CD226: variants seen among roughly 807,000 people sequenced by gnomAD.
The protein encoded by CD226 is CD226 antigen.
In CD226, 24 loss-of-function variants were observed where a neutral mutation model predicts 34.9. The ratio of observed to expected loss-of-function variants is 0.69; its 90% CI spans 0.50 to 0.97. The LOEUF is 0.97. Among genes scored for constraint, CD226 ranks in the 50% least tolerant of loss-of-function variants. The pLI is 0.00. For synonymous variants in CD226, 148 were observed against 147.4 expected (o/e 1.00, Z -0.03); for missense variants, 397 against 412.7 (o/e 0.96, Z 0.33).
At chr18:69,894,761 G>T (rs1985167093) in intron 3 of CD226, among the ~76,000 whole-genome samples, 1 of 151,700 alleles carries the variant, frequency 6.6e-6, no homozygotes, top group Non-Finnish European at 1.5e-5. Context: ...GGAGAGCCTG[G>T]GATGGCCTTC....
chr18:69,906,238 C>G lies in CD226; in HGVS notation c.383-10193G>C, dbSNP rs114482071. On this transcript the variant is annotated intron_variant, in intron 2 of 5. Coordinates refer to ENST00000582621, the MANE Select transcript of CD226 (RefSeq NM_001303618.2). ...CAATGTACTCTACACATACTATATA[C>G]GCCTAGATGTGAACTTACATATTTT... is the stretch of plus-strand genomic sequence containing the variant. Among the ~76,000 whole-genome samples, 1,061 of 152,124 alleles carry G rather than the reference C, an allele frequency of 7.0e-3. 10 individuals are homozygous for G. Among genetic ancestry groups the G allele is most frequent in the African/African-American group, 0.024 (998 of 41,474 alleles).
rs568561512 is a variant in CD226 at position 69,860,214 on chromosome 18, G to C, written c.*4100C>G. On this transcript the variant is annotated 3_prime_UTR_variant, in exon 6 of 6. Coordinates refer to ENST00000582621, the MANE Select transcript of CD226 (RefSeq NM_001303618.2). ...AATTTTTCCCTGCTATTTCTCCATGGCAAATGAAAGTAGTGATCGTGAAAC... is the reference window on the plus strand; with the variant it reads ...AATTTTTCCCTGCTATTTCTCCATGCCAAATGAAAGTAGTGATCGTGAAAC... 6.6e-6 allele frequency: 1 copy of C among 152,022 alleles called. No individual in the cohort carries two copies. Among genetic ancestry groups the C allele is most frequent in the African/African-American group, 2.4e-5 (1 of 41,452 alleles). 9.4% of individuals were successfully genotyped at this position (152,022 alleles called of 1,614,324 possible).
chr18:69,934,473 G>A (rs2055628198), intron 2 of CD226, among the ~76,000 whole-genome samples: 1 of 152,152 alleles, frequency 6.6e-6, no homozygotes, highest in Non-Finnish European at 1.5e-5. Flanking sequence ...AAATGGTGCA[G>A]CTAAATGCTC....
chr18:69,908,366 A>G (rs1261697826), intron 2 of CD226, among the ~76,000 whole-genome samples: 3 of 152,364 alleles, frequency 2.0e-5, no homozygotes, highest in Middle Eastern at 6.8e-3. Flanking sequence ...TAATCTCAGG[A>G]AAAACCTTAT....
chr18:69,902,203 T>C (rs1326832240), intron 2 of CD226, among the ~76,000 whole-genome samples: 1 of 152,106 alleles, frequency 6.6e-6, no homozygotes, highest in Non-Finnish European at 1.5e-5. Context: ...AAGTGGACTG[T>C]TCTCTCTCTC....
chr18:69,892,465 C>T (rs1424276029), intron 3 of CD226, among the ~76,000 whole-genome samples: 1 of 152,188 alleles, frequency 6.6e-6, no homozygotes, highest in Non-Finnish European at 1.5e-5. Context: ...CCTTGCCCTT[C>T]GGTCCAGGCA....
chr18:69,871,541 C>G (rs922521992), intron 4 of CD226, among the ~76,000 whole-genome samples: 2 of 152,116 alleles, frequency 1.3e-5, no homozygotes, highest in African/African-American at 4.8e-5. Context: ...GTAGCAGAGA[C>G]GTACACAATG....
At chr18:69,866,989 G>A (rs1983189149) in intron 5 of CD226, among the ~76,000 whole-genome samples, 1 of 152,134 alleles carries the variant, frequency 6.6e-6, no homozygotes, top group Non-Finnish European at 1.5e-5. Flanking sequence ...ACTGTTTCTT[G>A]TACTTCAACC....
upstream of CD226, among the ~76,000 whole-genome samples, chr18:69,961,121 T>G (rs71370382): frequency 0.072 from 10,947 of 152,276 alleles, 505 homozygotes; most frequent in Non-Finnish European, 0.1. Context: ...TTATTGTATA[T>G]CCTATCCAAA....
At chr18:69,868,790 C>A (rs560302911) in intron 4 of CD226, among the ~76,000 whole-genome samples, 1 of 131,666 alleles carries the variant, frequency 7.6e-6, no homozygotes, top group Non-Finnish European at 1.6e-5. Flanking sequence ...CATGCGCACA[C>A]GTGCGCGTGC....
chr18:69,873,089 TA>T (rs1393464380), intron 4 of CD226, 54 bp downstream of exon 4: 4 of 959,096 alleles, frequency 4.2e-6, no homozygotes, highest in Non-Finnish European at 6.8e-6. Context: ...ACTGGGTTAT[TA>T]ATAGAGAACC....
chr18:69,871,613 G>A lies in CD226; in HGVS notation c.830+1531C>T, dbSNP rs1056755761. On this transcript the variant is annotated intron_variant, in intron 4 of 5. Coordinates refer to ENST00000582621, the MANE Select transcript of CD226 (RefSeq NM_001303618.2). ...AGAGAACAGTACAGAGCTCACAGAG[G>A]GGACAGGTGTTTCACACCTTGAATG... Among the ~76,000 whole-genome samples, 7 of 152,328 alleles carry A rather than the reference G, an allele frequency of 4.6e-5. 1 individual carries two copies. The South Asian group carries it at 1.2e-3, about 27-fold the overall frequency.
chr18:69,875,107 G>C (rs1983782264), intron 3 of CD226, among the ~76,000 whole-genome samples: 1 of 151,946 alleles, frequency 6.6e-6, no homozygotes, highest in African/African-American at 2.4e-5. Flanking sequence ...TCAGATTGCT[G>C]GTTCATATGA....
rs907840717 is a variant in CD226 at position 69,873,227 on chromosome 18, A to C, written c.747T>G (p.Tyr249Ter). The change falls in exon 4 of 6, where the codon TAT becomes TAG. Residue 249 changes from tyrosine to a stop codon, truncating the protein, a stop_gained. Transcript: ENST00000582621. LOFTEE classifies it high-confidence loss of function. Reference sequence around the variant, plus strand: ...CTGTCCCTCCAGCCACAAAGAGGGTATATTGGTTATCGGTTTTACCTAGGA... The same window carrying C: ...CTGTCCCTCCAGCCACAAAGAGGGTCTATTGGTTATCGGTTTTACCTAGGA... The part of the protein sequence containing the change: ...TVAEGKTDNQ[Y>*]TLFVAGGTVL... 6.3e-7 allele frequency: 1 copy of C among 1,599,480 alleles called. No homozygotes were observed. Among genetic ancestry groups the C allele is most frequent in the African/African-American group, 1.3e-5 (1 of 74,614 alleles).
chr18:69,957,350 C>CTTTTTTTTTT (rs11373057), upstream of CD226, among the ~76,000 whole-genome samples: 2 of 149,464 alleles, frequency 1.3e-5, no homozygotes, highest in Non-Finnish European at 3.0e-5. Context: ...TCTAGATACT[C>CTTTTTTTTTT]TTTTTTTTTT....
chr18:69,929,067 C>G (rs927325080), intron 2 of CD226, among the ~76,000 whole-genome samples: 11 of 152,096 alleles, frequency 7.2e-5, no homozygotes, highest in Admixed American at 2.0e-4. Flanking sequence ...TGACCAGAGC[C>G]AAAGGTATTA....
At chr18:69,868,361 G>A (rs977432176) in intron 4 of CD226, among the ~76,000 whole-genome samples, 5 of 152,110 alleles carry the variant, frequency 3.3e-5, no homozygotes, top group Admixed American at 1.3e-4. Flanking sequence ...TAATTCCTTT[G>A]TGAATATCTT....
rs1225893304 is a variant in CD226 at position 69,860,241 on chromosome 18, T to C, written c.*4073A>G. Reference sequence around the variant, plus strand: ...AAATGAAAGTAGTGATCGTGAAACATTGTGTTTTATTCATTCAAAACAACA... The same window carrying C: ...AAATGAAAGTAGTGATCGTGAAACACTGTGTTTTATTCATTCAAAACAACA... On this transcript the variant is annotated 3_prime_UTR_variant, in exon 6 of 6. Transcript: ENST00000582621. 6.6e-6 allele frequency: 1 copy of C among 152,220 alleles called. No homozygotes were observed. The highest frequency in any genetic ancestry group is 2.4e-5 in the African/African-American group (1 of 41,460). The allele number at this position is 152,220 out of a possible 1,614,324, so 9.4% of individuals were successfully genotyped here.
intron 2 of CD226, among the ~76,000 whole-genome samples, chr18:69,926,419 T>C (rs1446569014): frequency 6.6e-6 from 1 of 152,156 alleles, no homozygotes; most frequent in African/African-American, 2.4e-5. Context: ...AACAGTCATC[T>C]TAAGGACTCT....
Sources: gnomAD v4.1 joint callset for allele counts (sites outside exome capture counted in the v4.1 genomes callset) on GRCh38, gnomAD v4.1.1 for gene constraint, MANE v1.5 for transcripts, NCBI Gene and HGNC (gene_info 2026-07-23, HGNC 2026-07-21) for gene names.